LILRA6: variants seen among roughly 807,000 people sequenced by gnomAD.
LILRA6 encodes the protein leukocyte immunoglobulin like receptor A6.
LILRA6 carries 16 observed loss-of-function variants against 53.9 expected under a neutral mutation model. That is an observed-to-expected ratio of 0.30 (90% CI 0.20 to 0.45). The LOEUF (loss-of-function observed/expected upper bound fraction) is 0.45. Ranked by LOEUF, LILRA6 falls within the 20% of genes least tolerant of loss-of-function variation. The pLI is 1.00. For missense variants in LILRA6, 306 were observed against 618.6 expected, an observed-to-expected ratio of 0.49 and a Z score of 5.36; for synonymous variants, 135 against 256.4, an observed-to-expected ratio of 0.53 and a Z score of 4.52.
chr19:54,238,855 C>G (rs182595144), exon 8 of LILRA6: 28 of 1,534,232 alleles, frequency 1.8e-5, no homozygotes, highest in Non-Finnish European at 2.5e-5. Context: ...TCTCACCCCC[C>G]TCTGGAGGTC....
downstream of LILRA6, chr19:54,237,780 G>A (rs924567031): frequency 1.5e-4 from 23 of 150,984 alleles, no homozygotes; most frequent in Non-Finnish European, 3.1e-4. Context: ...CATCATGATG[G>A]AAGGTTGGTT....
intron 6 of LILRA6, 100 bp downstream of exon 6, chr19:54,240,174 C>G: frequency 6.5e-7 from 1 of 1,528,518 alleles, no homozygotes; most frequent in Non-Finnish European, 8.8e-7. Context: ...CTAAGCCTCC[C>G]TCACAGCCTC....
rs551832340 is a variant in LILRA6, at chr19:54,242,038, G to C, written c.343C>G (p.Leu115Val). 9.3e-6 allele frequency: 13 copies of C among 1,402,052 alleles called. 1 individual carries two copies. The highest frequency in any genetic ancestry group is 1.3e-5 in the Non-Finnish European group (13 of 1,037,354). The allele number at this position is 1,402,052 out of a possible 1,614,324, so 86.9% of individuals were successfully genotyped here. A position where few individuals can be genotyped will look rare whatever the true frequency, so the allele number is the denominator to read the frequency against. ...AGTGTCCTCTCACCTGTCATCACCAGCTCCAGGGGGTCGCTGGGCTCTGAC... is the reference window on the plus strand; with the variant it reads ...AGTGTCCTCTCACCTGTCATCACCACCTCCAGGGGGTCGCTGGGCTCTGAC... The change falls in exon 3 of 8, where the codon CTG becomes GTG. Residue 115 changes from leucine to valine, a missense_variant. Coordinates refer to ENST00000396365, the Ensembl canonical transcript of LILRA6.
chr19:54,239,254 C>A (rs2078683845), intron 7 of LILRA6, 165 bp from the exon 8 acceptor site: 1 of 1,522,012 alleles, frequency 6.6e-7, no homozygotes. Flanking sequence ...GTGAGGGTCT[C>A]AGCTCCTCCT....
In LILRA6 at chr19:54,242,614, T is replaced by G. The variant is rs6509858; in HGVS notation, c.35-60A>C. ...AAGCCTGAGCAGGTCCTCCCCGCCC[T>G]GGTGCCTCCTGAGCTTTTGAGGTCT... On this transcript the variant is annotated intron_variant, in intron 1 of 7. Transcript: ENST00000396365. 9.0e-3 allele frequency: 9,715 copies of G among 1,076,692 alleles called. 2,968 individuals carry two copies. In the African/African-American group the frequency reaches 0.14, roughly 16 times the overall value. 66.7% of individuals were successfully genotyped at this position (1,076,692 alleles called of 1,614,324 possible).
chr19:54,241,447 T>C, intron 4 of LILRA6, 129 bp downstream of exon 4: 1 of 1,162,928 alleles, frequency 8.6e-7, no homozygotes, highest in South Asian at 1.7e-5. Context: ...CCATGGGGTC[T>C]CCCTCATGCC....
In LILRA6 at chr19:54,239,614, G is replaced by C. The variant is rs1314224950; in HGVS notation, c.1309+287C>G. 18 of 1,113,408 alleles carry C rather than the reference G, an allele frequency of 1.6e-5. 1 individual carries two copies. The Middle Eastern group carries it at 9.5e-4, about 59-fold the overall frequency. The allele number at this position is 1,113,408 out of a possible 1,614,324, so 69.0% of individuals were successfully genotyped here. On this transcript the variant is annotated intron_variant, in intron 7 of 7. Coordinates refer to ENST00000396365, the Ensembl canonical transcript of LILRA6. ...CTCACCTGAGACCACGAGCTCCAGG[G>C]AGTCACTGGCCTGACCCTGGGGGGT...
downstream of LILRA6, chr19:54,237,454 C>G (rs1402177680): frequency 6.6e-6 from 1 of 150,866 alleles, no homozygotes; most frequent in Non-Finnish European, 1.5e-5. Context: ...AATCAGATTA[C>G]CACATGCTCC....
At chr19:54,239,400 C>G (rs985899782) in intron 7 of LILRA6, 1 of 681,822 alleles carries the variant, frequency 1.5e-6, no homozygotes, top group African/African-American at 1.9e-5. Flanking sequence ...AGGGCTCCCT[C>G]CAGTCTCCTC....
chr19:54,240,351 T>C, exon 6 of LILRA6: 1 of 1,605,812 alleles, frequency 6.2e-7, no homozygotes, highest in African/African-American at 1.3e-5. Flanking sequence ...GTAGCACCTG[T>C]AGGTCCCCGC....
At chr19:54,237,937 G>C (rs1029978444), downstream of LILRA6, 1 of 150,282 alleles carries the variant, frequency 6.7e-6, no homozygotes, top group Non-Finnish European at 1.5e-5. Context: ...TCCTGTCCAT[G>C]TTGTTGTGAA....
At chr19:54,236,709 A>T (rs1266928637), downstream of LILRA6, 1 of 151,088 alleles carries the variant, frequency 6.6e-6, no homozygotes, top group African/African-American at 2.5e-5. Flanking sequence ...ACAATGAAAT[A>T]ATATTCAGGC....
chr19:54,239,231 G>A, intron 7 of LILRA6, 142 bp from the exon 8 acceptor site: 4 of 1,543,732 alleles, frequency 2.6e-6, no homozygotes, highest in Non-Finnish European at 3.5e-6. Context: ...TGTCTGACTT[G>A]TTTTGTGATG....
rs768382692 is a variant in LILRA6, at chr19:54,239,101, G to A, written c.1310-12C>T. The A allele has an allele frequency of 1.9e-5, 31 of 1,610,784 alleles. 1 individual carries two copies. In the Middle Eastern group the frequency reaches 8.2e-4, roughly 43 times the overall value. ...CTTGGCGTGTGAGGCTGGGGATGGTGGGCAAAGAGGTCACAGAGGTCCGGG... is the reference window on the plus strand; with the variant it reads ...CTTGGCGTGTGAGGCTGGGGATGGTAGGCAAAGAGGTCACAGAGGTCCGGG... On this transcript the variant is annotated splice_polypyrimidine_tract_variant and intron_variant, in intron 7 of 7. Coordinates refer to ENST00000396365, the Ensembl canonical transcript of LILRA6.
In LILRA6 at chr19:54,242,099, C is replaced by T. The variant is rs1366977071; in HGVS notation, c.282G>A (p.Gly94=). Residue 94 remains glycine (G), a synonymous_variant, in exon 3 of 8, where the codon GGG becomes GGA. Coordinates refer to ENST00000396365, the Ensembl canonical transcript of LILRA6. Reference sequence around the variant, plus strand: ...AGCTGTAATAGTGGCAGCGGTATCTCCCCGCATGGTGCTCTGTTATGGATG... The same window carrying T: ...AGCTGTAATAGTGGCAGCGGTATCTTCCCGCATGGTGCTCTGTTATGGATG... The T allele has an allele frequency of 2.5e-5, 35 of 1,395,814 alleles. 6 individuals are homozygous for T. The highest frequency in any genetic ancestry group is 3.4e-5 in the Non-Finnish European group (35 of 1,031,572). The allele number at this position is 1,395,814 out of a possible 1,614,324, so 86.5% of individuals were successfully genotyped here.
At chr19:54,239,479 C>A in intron 7 of LILRA6, 1 of 633,562 alleles carries the variant, frequency 1.6e-6, no homozygotes. Flanking sequence ...TCCTCCCTCC[C>A]ATGGGCTGGA....
chr19:54,237,638 A>G (rs1014658949), downstream of LILRA6: 3 of 151,138 alleles, frequency 2.0e-5, no homozygotes, highest in African/African-American at 2.5e-5. Context: ...TGCAAGCACT[A>G]TTTTGGATTA....
At chr19:54,239,145 G>A (rs2078680899) in intron 7 of LILRA6, 56 bp from the exon 8 acceptor site, 2 of 1,605,268 alleles carry the variant, frequency 1.2e-6, no homozygotes, top group South Asian at 2.2e-5. Flanking sequence ...CTTCACCCAG[G>A]ACCCCTGGAT....
downstream of LILRA6, chr19:54,238,499 C>T (rs1674607154): frequency 6.0e-6 from 1 of 166,236 alleles, no homozygotes; most frequent in Non-Finnish European, 1.3e-5. Context: ...AACATTGATC[C>T]CTCTCTTCAG....
Sources: allele counts gnomAD v4.1 joint callset, GRCh38; gene constraint gnomAD v4.1.1; transcripts MANE v1.5; gene names NCBI Gene and HGNC (gene_info 2026-07-23, HGNC 2026-07-21).